The following SOAT1 variants were observed in gnomAD, a reference collection of about 807,000 sequenced individuals.
SOAT1 encodes the protein acyl-coenzyme A:cholesterol acyltransferase 1.
Under a neutral mutation model 69.5 loss-of-function variants are expected in SOAT1, and 55 were observed. The observed-to-expected ratio is 0.79, with a 90% CI of 0.64 to 0.99. The LOEUF (loss-of-function observed/expected upper bound fraction) is 0.99, where lower values mean the gene tolerates loss of function less well. SOAT1 is among the 50% of genes least tolerant of loss of function. The probability of loss-of-function intolerance (pLI) is 0.00; values close to 1 mark genes in which losing one functional copy is unlikely to be tolerated. For synonymous variants in SOAT1, 231 were observed against 224.7 expected, an observed-to-expected ratio of 1.03 and a Z score of -0.25; for missense variants, 580 against 669.3, an observed-to-expected ratio of 0.87 and a Z score of 1.47.
intron 2 of SOAT1, among the ~76,000 whole-genome samples, chr1:179,309,369 A>G (rs951931601): frequency 1.3e-5 from 2 of 152,210 alleles, no homozygotes; most frequent in African/African-American, 4.8e-5. Context: ...GGCGTGAGCC[A>G]CTGCACCTGG....
chr1:179,328,221 T>G (rs766295395), intron 3 of SOAT1, among the ~76,000 whole-genome samples: 34 of 152,298 alleles, frequency 2.2e-4, no homozygotes, highest in Admixed American at 6.5e-4. Flanking sequence ...ACAGGAGGGA[T>G]CCACCATCCC....
At chr1:179,316,794 T>C (rs369477856) in intron 2 of SOAT1, among the ~76,000 whole-genome samples, 61 of 152,326 alleles carry the variant, frequency 4.0e-4, no homozygotes, top group African/African-American at 1.4e-3. Context: ...ACCTCAAATA[T>C]TATCTCTCTG....
chr1:179,342,001 A>C (rs1666354373), intron 7 of SOAT1, 113 bp from the exon 8 acceptor site: 1 of 1,398,890 alleles, frequency 7.1e-7, no homozygotes, highest in Admixed American at 2.7e-5. Flanking sequence ...TTGTTTATAC[A>C]CTTATCAGGA....
At chr1:179,340,957 T>C (rs1167609605) in intron 6 of SOAT1, 71 bp from the exon 7 acceptor site, 23 of 1,453,568 alleles carry the variant, frequency 1.6e-5, no homozygotes, top group South Asian at 1.4e-4. Flanking sequence ...TTTGAAACTT[T>C]TAAATTCTGT....
At chr1:179,343,704 A>T (rs1666421731) in intron 10 of SOAT1, 69 bp downstream of exon 10, 20 of 1,060,554 alleles carry the variant, frequency 1.9e-5, no homozygotes, top group Non-Finnish European at 2.4e-5. Flanking sequence ...ATAATAATAT[A>T]ATCTAGTTAA....
At chr1:179,316,197 G>A (rs1665386531) in intron 2 of SOAT1, among the ~76,000 whole-genome samples, 1 of 152,024 alleles carries the variant, frequency 6.6e-6, no homozygotes, top group South Asian at 2.1e-4. Flanking sequence ...ATATGACCTA[G>A]CCTTCTTCCC....
intron 1 of SOAT1, among the ~76,000 whole-genome samples, chr1:179,300,352 G>A (rs1159054985): frequency 6.6e-6 from 1 of 151,970 alleles, no homozygotes; most frequent in Non-Finnish European, 1.5e-5. Context: ...TGCTCTTGTG[G>A]CTTCCTCTGT....
At chr1:179,345,649 T>C (rs1343514241) in intron 11 of SOAT1, among the ~76,000 whole-genome samples, 2 of 151,970 alleles carry the variant, frequency 1.3e-5, no homozygotes, top group Non-Finnish European at 2.9e-5. Context: ...AGCCTCGACC[T>C]CTGGGGCTCG....
intron 6 of SOAT1, among the ~76,000 whole-genome samples, chr1:179,340,820 G>GATATATATAT (rs67855683): frequency 3.4e-5 from 5 of 147,314 alleles, no homozygotes; most frequent in African/African-American, 7.5e-5. Flanking sequence ...ATATATTGTT[G>GATATATATAT]ATATATATAT....
intron 4 of SOAT1, among the ~76,000 whole-genome samples, chr1:179,336,109 A>T (rs1666142140): frequency 6.6e-6 from 1 of 150,970 alleles, no homozygotes; most frequent in African/African-American, 2.4e-5. Flanking sequence ...GGTTGCAGTG[A>T]GCAGAGATCA....
chr1:179,350,736 T>G (rs1666697081), intron 14 of SOAT1, among the ~76,000 whole-genome samples: 1 of 152,200 alleles, frequency 6.6e-6, no homozygotes, highest in Non-Finnish European at 1.5e-5. Context: ...ACATTGTCGG[T>G]ATGCACCCCC....
intron 15 of SOAT1, among the ~76,000 whole-genome samples, chr1:179,353,218 TA>T (rs1666804226): frequency 8.3e-6 from 1 of 120,514 alleles, no homozygotes; most frequent in African/African-American, 3.1e-5. Context: ...AATATATATA[TA>T]TATATCTATT....
intron 8 of SOAT1, 105 bp from the exon 9 acceptor site, chr1:179,342,757 A>C: frequency 1.3e-6 from 1 of 742,612 alleles, no homozygotes; most frequent in Non-Finnish European, 2.3e-6. Context: ...TGAGCTGATA[A>C]GTCATTTTAT....
chr1:179,320,346 A>T (rs1665551943), intron 2 of SOAT1, among the ~76,000 whole-genome samples: 2 of 152,166 alleles, frequency 1.3e-5, no homozygotes. Flanking sequence ...AATAATCATA[A>T]AGGTGAATGT....
chr1:179,305,349 T>C (rs1327596248), intron 2 of SOAT1, among the ~76,000 whole-genome samples: 1 of 152,106 alleles, frequency 6.6e-6, no homozygotes, highest in Non-Finnish European at 1.5e-5. Context: ...CTCGATCTCC[T>C]GGCCTCAAGT....
At chr1:179,338,629 G>A (rs141442725) in intron 5 of SOAT1, among the ~76,000 whole-genome samples, 85 of 152,180 alleles carry the variant, frequency 5.6e-4, no homozygotes, top group African/African-American at 1.9e-3. Flanking sequence ...ATCTTTTAAA[G>A]TTTACATCTG....
intron 5 of SOAT1, 71 bp downstream of exon 5, chr1:179,337,967 T>C (rs1470492712): frequency 9.3e-7 from 1 of 1,073,210 alleles, no homozygotes; most frequent in African/African-American, 1.6e-5. Context: ...CATTGCTTAG[T>C]ATATGGACAT....
chr1:179,337,235 C>T (rs371936550), intron 4 of SOAT1, among the ~76,000 whole-genome samples: 16 of 152,222 alleles, frequency 1.1e-4, no homozygotes, highest in African/African-American at 3.9e-4. Context: ...TAGTTAAGTG[C>T]TGGTAGTAGT....
At chr1:179,353,122 ATATTTATATATT>A (rs1424032934) in intron 15 of SOAT1, among the ~76,000 whole-genome samples, 1 of 124,308 alleles carries the variant, frequency 8.0e-6, no homozygotes, top group Non-Finnish European at 1.7e-5. Flanking sequence ...ATATATATTT[ATATTTATATATT>A]TATTTATATA....
Sources: gnomAD v4.1 joint callset for allele counts (sites outside exome capture counted in the v4.1 genomes callset) on GRCh38, gnomAD v4.1.1 for gene constraint, MANE v1.5 for transcripts, NCBI Gene and HGNC (gene_info 2026-07-23, HGNC 2026-07-21) for gene names.